The following ZRANB3 variants were observed in gnomAD, a reference collection of about 807,000 sequenced individuals.
The protein encoded by ZRANB3 is DNA annealing helicase and endonuclease ZRANB3.
A neutral mutation model predicts 133.8 loss-of-function variants in ZRANB3; 125 were observed. The ratio of observed to expected loss-of-function variants is 0.93; its 90% CI spans 0.81 to 1.08. The LOEUF (loss-of-function observed/expected upper bound fraction) is 1.08. ZRANB3 is among the 50% of genes least tolerant of loss of function. The pLI is 0.00. For missense variants in ZRANB3, 1,229 were observed against 1,275.5 expected, an observed-to-expected ratio of 0.96 and a Z score of 0.56; for synonymous variants, 387 against 432.7, an observed-to-expected ratio of 0.89 and a Z score of 1.31.
intron 1 of ZRANB3, among the ~76,000 whole-genome samples, chr2:135,519,725 C>G (rs1693844137): frequency 6.6e-6 from 1 of 152,094 alleles, no homozygotes. Context: ...TCACATGTAG[C>G]AGACATTGTG....
At chr2:135,310,285 G>C (rs1192542016) in intron 8 of ZRANB3, among the ~76,000 whole-genome samples, 2 of 152,096 alleles carry the variant, frequency 1.3e-5, no homozygotes, top group African/African-American at 4.8e-5. Context: ...GTAGTATAAG[G>C]CTGATGAATA....
chr2:135,285,098 G>T (rs1681290351), intron 8 of ZRANB3, among the ~76,000 whole-genome samples: 1 of 151,996 alleles, frequency 6.6e-6, no homozygotes. Context: ...ACCCGCCTTG[G>T]CCTCCCAAAG....
At position 135,436,370 on chromosome 2, in the gene ZRANB3, C is replaced by A. The variant is rs565640579; in HGVS notation, c.162-45550G>T. On this transcript the variant is annotated intron_variant, in intron 2 of 20. Coordinates refer to ENST00000264159, the MANE Select transcript of ZRANB3 (RefSeq NM_032143.4). The stretch of plus-strand genomic sequence containing the variant: ...CACCATGCTGTTTTGGTTCGTGTAG[C>A]CTTGCACACCCAAAAGCTCCTCTAT... Among the ~76,000 whole-genome samples the A allele has an allele frequency of 2.6e-5, 4 of 152,180 alleles. No individual in the cohort carries two copies. The East Asian group carries it at 7.7e-4, about 29-fold the overall frequency.
intron 6 of ZRANB3, among the ~76,000 whole-genome samples, chr2:135,342,373 A>G (rs1362166408): frequency 2.0e-5 from 3 of 150,004 alleles, no homozygotes; most frequent in Non-Finnish European, 4.4e-5. Flanking sequence ...TTGTGCTAGG[A>G]TATCTTAATC....
At chr2:135,516,857 T>C (rs1693718684) in intron 1 of ZRANB3, among the ~76,000 whole-genome samples, 4 of 152,196 alleles carry the variant, frequency 2.6e-5, no homozygotes, top group African/African-American at 7.2e-5. Context: ...GATAATATCC[T>C]TAAGTGTGTT....
intron 2 of ZRANB3, among the ~76,000 whole-genome samples, chr2:135,497,516 C>A (rs1399045430): frequency 6.6e-6 from 1 of 152,176 alleles, no homozygotes; most frequent in Non-Finnish European, 1.5e-5. Context: ...TCATTAGTTG[C>A]ACTAGCCACA....
chr2:135,408,040 C>A (rs1232616866), intron 2 of ZRANB3, among the ~76,000 whole-genome samples: 1 of 151,614 alleles, frequency 6.6e-6, no homozygotes, highest in Non-Finnish European at 1.5e-5. Flanking sequence ...AACAGGCAAC[C>A]TACAGAATGG....
Position 135,267,159 on chromosome 2 carries a change from A to T in ZRANB3, c.1387-1473T>A, listed in dbSNP as rs538988486. Among the ~76,000 whole-genome samples the T allele has an allele frequency of 2.0e-5, 3 of 152,286 alleles. No individual in the cohort carries two copies. In the South Asian group the frequency reaches 6.2e-4, roughly 32 times the overall value. On this transcript the variant is annotated intron_variant, in intron 11 of 20. Coordinates refer to ENST00000264159, the MANE Select transcript of ZRANB3 (RefSeq NM_032143.4). ...GTCTGTTTTCTTTTGCTTATAACAGAATATCTGAAATTGTGTAATGTGTAA... is the reference window on the plus strand; with the variant it reads ...GTCTGTTTTCTTTTGCTTATAACAGTATATCTGAAATTGTGTAATGTGTAA...
chr2:135,345,277 C>T, intron 6 of ZRANB3: 1 of 267,742 alleles, frequency 3.7e-6, no homozygotes, highest in Non-Finnish European at 7.2e-6. Context: ...ACCAGCCTGA[C>T]CAACATGGTG....
intron 2 of ZRANB3, among the ~76,000 whole-genome samples, chr2:135,489,355 GC>G (rs1692276153): frequency 6.7e-6 from 1 of 150,142 alleles, no homozygotes; most frequent in South Asian, 2.1e-4. Flanking sequence ...TATACCTAAT[GC>G]TAAATGATGA....
At chr2:135,267,606 A>G (rs1023197134) in intron 11 of ZRANB3, among the ~76,000 whole-genome samples, 2 of 152,172 alleles carry the variant, frequency 1.3e-5, no homozygotes, top group Non-Finnish European at 2.9e-5. Context: ...ATTATAATCC[A>G]TTACCCAGTC....
intron 2 of ZRANB3, among the ~76,000 whole-genome samples, chr2:135,411,792 G>T (rs1162818380): frequency 6.6e-6 from 1 of 152,088 alleles, no homozygotes; most frequent in African/African-American, 2.4e-5. Flanking sequence ...GGCGGGCAAG[G>T]GTTGAAAAAC....
intron 8 of ZRANB3, among the ~76,000 whole-genome samples, chr2:135,302,821 G>A (rs1682500524): frequency 6.6e-6 from 1 of 152,104 alleles, no homozygotes; most frequent in Admixed American, 6.6e-5. Flanking sequence ...ACTGCGCCCG[G>A]CCCCAACTAG....
chr2:135,398,720 T>C (rs1687610142), intron 2 of ZRANB3, among the ~76,000 whole-genome samples: 1 of 151,482 alleles, frequency 6.6e-6, no homozygotes, highest in Non-Finnish European at 1.5e-5. Context: ...AGACGGGGTT[T>C]CACTGTGTTA....
At chr2:135,522,564 C>T (rs1231332310) in intron 1 of ZRANB3, among the ~76,000 whole-genome samples, 2 of 152,106 alleles carry the variant, frequency 1.3e-5, no homozygotes, top group Non-Finnish European at 2.9e-5. Flanking sequence ...CTTTGGGAGG[C>T]CGAGGCAGGC....
At chr2:135,314,646 G>A (rs925834852) in intron 7 of ZRANB3, among the ~76,000 whole-genome samples, 2 of 152,132 alleles carry the variant, frequency 1.3e-5, no homozygotes, top group African/African-American at 2.4e-5. Flanking sequence ...AGGGCTGCAT[G>A]AAGTTTTTCT....
intron 2 of ZRANB3, among the ~76,000 whole-genome samples, chr2:135,469,929 G>A (rs1353264812): frequency 1.3e-5 from 2 of 150,656 alleles, no homozygotes; most frequent in African/African-American, 4.9e-5. Flanking sequence ...GGGGAATGGC[G>A]TGAACCCGGG....
intron 2 of ZRANB3, among the ~76,000 whole-genome samples, chr2:135,486,146 G>T (rs1692109035): frequency 6.6e-6 from 1 of 152,138 alleles, no homozygotes; most frequent in African/African-American, 2.4e-5. Context: ...AATGACTTAT[G>T]CCACATCAAT....
chr2:135,386,522 A>G (rs145239048), intron 3 of ZRANB3, among the ~76,000 whole-genome samples: 90 of 152,274 alleles, frequency 5.9e-4, no homozygotes, highest in Non-Finnish European at 9.3e-4. Context: ...AAATCATGCT[A>G]CTATAAAGAC....
Sources: allele counts gnomAD v4.1 joint callset (sites outside exome capture counted in the v4.1 genomes callset), GRCh38; gene constraint gnomAD v4.1.1; transcripts MANE v1.5; gene names NCBI Gene and HGNC (gene_info 2026-07-23, HGNC 2026-07-21).